Variants in PCDHGA6 observed in about 807,000 individuals in gnomAD.
PCDHGA6 encodes protocadherin gamma-A6.
Under a neutral mutation model 60.6 loss-of-function variants are expected in PCDHGA6, and 41 were observed. That is an observed-to-expected ratio of 0.68 (90% confidence interval 0.53 to 0.88). PCDHGA6 has a LOEUF of 0.88. PCDHGA6 is among the 40% of genes least tolerant of loss of function. PCDHGA6 has a pLI of 0.00. For synonymous variants in PCDHGA6, 594 were observed against 524.4 expected (o/e 1.13, Z -1.81); for missense variants, 1,312 against 1,203.0 (o/e 1.09, Z -1.34).
intron 1 of PCDHGA6, chr5:141,403,178 T>C (rs1294905670): frequency 6.2e-7 from 1 of 1,613,980 alleles, no homozygotes; most frequent in Middle Eastern, 1.7e-4. Flanking sequence ...GCAGCTTTTC[T>C]CTCTGAACCC....
intron 1 of PCDHGA6, among the ~76,000 whole-genome samples, chr5:141,397,282 T>A (rs2150702726): frequency 6.6e-6 from 1 of 152,350 alleles, no homozygotes; most frequent in South Asian, 2.1e-4. Context: ...ATGGGCAGTA[T>A]ACTTGAATGA....
chr5:141,491,612 G>C lies in PCDHGA6; in HGVS notation c.2425-3195G>C, dbSNP rs759955730. 1 of 1,613,906 alleles carries C rather than the reference G, an allele frequency of 6.2e-7. No individual in the cohort carries two copies. Among genetic ancestry groups the C allele is most frequent in the South Asian group, 1.1e-5 (1 of 91,080 alleles). ...GACGGCAGTGACTTCACTTTTCTAA[G>C]ACCCCTCAGCGTTCAGCAGCCCACA... On this transcript the variant is annotated intron_variant, in intron 1 of 3. Transcript: ENST00000517434. The surrounding 1 kb of genome is among the most constrained non-coding windows in gnomAD (Gnocchi z 6.9).
At chr5:141,400,609 A>G (rs376731583) in intron 1 of PCDHGA6, 129 of 1,577,604 alleles carry the variant, frequency 8.2e-5, no homozygotes, top group South Asian at 3.2e-4. Flanking sequence ...TTCAAGTCCA[A>G]TGAGTTGTCT....
At chr5:141,496,808 G>A (rs1387209844) in intron 2 of PCDHGA6, among the ~76,000 whole-genome samples, 3 of 151,736 alleles carry the variant, frequency 2.0e-5, no homozygotes, top group South Asian at 4.2e-4. Flanking sequence ...GGCTATAGGA[G>A]TGAACAAGTA....
rs760747309 is a variant in PCDHGA6, at chr5:141,477,613, A to G, written c.2425-17194A>G. 1.2e-6 allele frequency: 2 copies of G among 1,614,210 alleles called. No individual in the cohort carries two copies. Among genetic ancestry groups the G allele is most frequent in the Non-Finnish European group, 8.5e-7 (1 of 1,180,044 alleles). ...GGCTTTCTTTCTTTCTCTTGGAGCA[A>G]GGAGCTGAAACCGGGCTAGTGGGTC... On this transcript the variant is annotated intron_variant, in intron 1 of 3. Coordinates refer to ENST00000517434, the MANE Select transcript of PCDHGA6 (RefSeq NM_018919.3). This position sits in a 1 kb window ranked among gnomAD's most constrained non-coding sequence, Gnocchi z 4.9.
chr5:141,418,749 C>A, intron 1 of PCDHGA6: 1 of 1,613,866 alleles, frequency 6.2e-7, no homozygotes, highest in South Asian at 1.1e-5. Flanking sequence ...CTGGATTACA[C>A]TACAGGAAAC....
At chr5:141,402,469 A>G (rs2094270515) in intron 1 of PCDHGA6, among the ~76,000 whole-genome samples, 1 of 152,224 alleles carries the variant, frequency 6.6e-6, no homozygotes. Context: ...ATCTAGAAAT[A>G]GAGTGCAAAG....
intron 3 of PCDHGA6, 77 bp downstream of exon 3, chr5:141,505,558 C>T (rs945428797): frequency 3.7e-6 from 6 of 1,605,016 alleles, no homozygotes; most frequent in African/African-American, 1.3e-5. Context: ...ACCATGCCCA[C>T]GGACTGGATG....
Position 141,485,731 on chromosome 5 carries a change from C to T in PCDHGA6, c.2425-9076C>T, listed in dbSNP as rs1440070106. The T allele has an allele frequency of 1.9e-6, 3 of 1,614,036 alleles. No individual in the cohort carries two copies. The highest frequency in any genetic ancestry group is 2.2e-5 in the South Asian group (2 of 91,080). On this transcript the variant is annotated intron_variant, in intron 1 of 3. Transcript: ENST00000517434. This position sits in a 1 kb window ranked among gnomAD's most constrained non-coding sequence, Gnocchi z 5.7. ...TTGCACTGGATGTGAAGAAGCGCAG[C>T]GACGGCAGCCTGGTCCCAGAGCTGC...
rs534187376 is a variant in PCDHGA6 at position 141,512,974 on chromosome 5, A to G, written c.*1801A>G. ...AAAATAATAAAACGTTTCTTCTGAA[A>G]AGCTGAACGTTTCTGTATAAGCGAT... is the stretch of plus-strand genomic sequence containing the variant. On this transcript the variant is annotated 3_prime_UTR_variant, in exon 4 of 4. Transcript: ENST00000517434. The G allele has an allele frequency of 6.6e-6, 1 of 152,362 alleles. No individual in the cohort carries two copies. Among genetic ancestry groups the G allele is most frequent in the South Asian group, 2.1e-4 (1 of 4,826 alleles). The allele number at this position is 152,362 out of a possible 1,614,324, so 9.4% of individuals were successfully genotyped here. A position where few individuals can be genotyped will look rare whatever the true frequency, so the allele number is the denominator to read the frequency against.
At position 141,489,562 on chromosome 5, in the gene PCDHGA6, G is replaced by A. The variant is rs770734883; in HGVS notation, c.2425-5245G>A. ...CACCAGCTGCCTGCTGCCAGTGCAG[G>A]TGGTGACTGAACACCCCCTGGAGCT... On this transcript the variant is annotated intron_variant, in intron 1 of 3. Coordinates refer to ENST00000517434, the MANE Select transcript of PCDHGA6 (RefSeq NM_018919.3). The surrounding 1 kb of genome is among the most constrained non-coding windows in gnomAD (Gnocchi z 4.5). 2 of 1,614,114 alleles carry A rather than the reference G, an allele frequency of 1.2e-6. No homozygotes were observed. Among genetic ancestry groups the A allele is most frequent in the Non-Finnish European group, 1.7e-6 (2 of 1,180,028 alleles).
chr5:141,388,958 C>G, intron 1 of PCDHGA6: 1 of 1,613,930 alleles, frequency 6.2e-7, no homozygotes, highest in Non-Finnish European at 8.5e-7. Context: ...TGGAGGACGC[C>G]GAGCTGGGAA....
chr5:141,421,854 C>CCTG (rs761444125), intron 1 of PCDHGA6: 2 of 1,613,762 alleles, frequency 1.2e-6, no homozygotes, highest in Non-Finnish European at 1.7e-6. Flanking sequence ...AGGCTGCTCA[C>CCTG]CTGCTCCTCC....
chr5:141,423,569 T>A, intron 1 of PCDHGA6: 2 of 1,613,480 alleles, frequency 1.2e-6, no homozygotes, highest in Non-Finnish European at 1.7e-6. Context: ...GACACGCTCA[T>A]CAGCCAGGAG....
rs2099746956 is a variant in PCDHGA6 at position 141,493,207 on chromosome 5, A to C, written c.2425-1600A>C. Among the ~76,000 whole-genome samples, 1 of 152,152 alleles carries C rather than the reference A, an allele frequency of 6.6e-6. No individual in the cohort carries two copies. The highest frequency in any genetic ancestry group is 2.4e-5 in the African/African-American group (1 of 41,442). On this transcript the variant is annotated intron_variant, in intron 1 of 3. Coordinates refer to ENST00000517434, the MANE Select transcript of PCDHGA6 (RefSeq NM_018919.3). The surrounding 1 kb of genome is among the most constrained non-coding windows in gnomAD (Gnocchi z 4.3). ...ATAACTCCTTTGAGAACCTCATCTC[A>C]TTTGCTCTTCCCACCATTGCTGTTG...
rs1248714579 is a variant in PCDHGA6 at position 141,489,513 on chromosome 5, C to A, written c.2425-5294C>A. The A allele has an allele frequency of 6.2e-7, 1 of 1,614,000 alleles. No homozygotes were observed. Among genetic ancestry groups the A allele is most frequent in the African/African-American group, 1.3e-5 (1 of 74,918 alleles). ...CCCTGGCAGTGAATCAAAAGATTGACCGAGAAAGCCTATGTGGAGCCAGCA... is the reference window on the plus strand; with the variant it reads ...CCCTGGCAGTGAATCAAAAGATTGAACGAGAAAGCCTATGTGGAGCCAGCA... On this transcript the variant is annotated intron_variant, in intron 1 of 3. Coordinates refer to ENST00000517434, the MANE Select transcript of PCDHGA6 (RefSeq NM_018919.3). The surrounding 1 kb of genome is among the most constrained non-coding windows in gnomAD (Gnocchi z 4.5).
At chr5:141,386,116 T>G (rs376387323) in intron 1 of PCDHGA6, 1 of 152,146 alleles carries the variant, frequency 6.6e-6, no homozygotes, top group Admixed American at 6.6e-5. Context: ...GCTATCAAAG[T>G]GGGAGATTGG....
chr5:141,410,796 G>T, intron 1 of PCDHGA6: 19 of 640,732 alleles, frequency 3.0e-5, no homozygotes, highest in South Asian at 1.4e-4. Flanking sequence ...TTCATAAGTT[G>T]CTCTATCTTT....
chr5:141,461,639 C>T (rs1041604977), intron 1 of PCDHGA6, among the ~76,000 whole-genome samples: 12 of 152,088 alleles, frequency 7.9e-5, no homozygotes, highest in Non-Finnish European at 1.6e-4. Flanking sequence ...GCAATTTCTT[C>T]TTTGACCCAT....
Sources: allele counts gnomAD v4.1 joint callset (sites outside exome capture counted in the v4.1 genomes callset), GRCh38; gene constraint gnomAD v4.1.1; non-coding constraint Gnocchi (gnomAD v3.1); transcripts MANE v1.5; gene names NCBI Gene and HGNC (gene_info 2026-07-23, HGNC 2026-07-21).